Variants in LRBA observed in about 807,000 individuals in gnomAD.
LRBA encodes lipopolysaccharide-responsive and beige-like anchor protein.
In LRBA, 176 loss-of-function variants were observed where a neutral mutation model predicts 330.0. The observed-to-expected ratio is 0.53, with a 90% CI of 0.47 to 0.60. The LOEUF (loss-of-function observed/expected upper bound fraction) is 0.60, where lower values mean the gene tolerates loss of function less well. LRBA is among the 20% of genes least tolerant of loss of function. LRBA has a pLI of 0.00. For synonymous variants in LRBA, 1,230 were observed against 1,193.0 expected, an observed-to-expected ratio of 1.03 and a Z score of -0.64; for missense variants, 3,259 against 3,444.8, an observed-to-expected ratio of 0.95 and a Z score of 1.35.
Position 151,002,196 on chromosome 4 carries a change from C to CAAAA in LRBA, c.216+12227_216+12230dup, listed in dbSNP as rs143587760. On this transcript the variant is annotated intron_variant, in intron 2 of 56. Coordinates refer to ENST00000651943, the MANE Select transcript of LRBA (RefSeq NM_001364905.1). ...TAACGACAGAGGAAACATAAAACAG[C>CAAAA]AAAAAAAAAAAAAAAAAAAAAAAAA... Among the ~76,000 whole-genome samples the CAAAA allele has an allele frequency of 3.7e-3, 90 of 24,322 alleles. 1 individual carries two copies. Among genetic ancestry groups the CAAAA allele is most frequent in the African/African-American group, 7.2e-3 (44 of 6,080 alleles). The allele number at this position is 24,322 out of a possible 152,430, so 16.0% of individuals were successfully genotyped here.
chr4:150,432,635 C>T (rs981378244), intron 46 of LRBA, among the ~76,000 whole-genome samples: 3 of 151,428 alleles, frequency 2.0e-5, no homozygotes, highest in Admixed American at 2.0e-4. Context: ...TTAGTAGAGA[C>T]GGAGTTTCAC....
chr4:150,462,954 C>G (rs546655803), intron 44 of LRBA, among the ~76,000 whole-genome samples: 4 of 151,872 alleles, frequency 2.6e-5, no homozygotes, highest in South Asian at 4.1e-4. Flanking sequence ...TGTGTATAAA[C>G]AAATATTTGA....
intron 38 of LRBA, among the ~76,000 whole-genome samples, chr4:150,596,789 A>T (rs1773532957): frequency 1.3e-5 from 2 of 151,642 alleles, no homozygotes. Context: ...TTTACAGAAT[A>T]TATTAGCATA....
At chr4:150,860,498 T>A (rs1275271751) in intron 22 of LRBA, among the ~76,000 whole-genome samples, 2 of 152,032 alleles carry the variant, frequency 1.3e-5, no homozygotes, top group African/African-American at 4.8e-5. Flanking sequence ...TCAGAAAAAT[T>A]TTAAGATCTG....
Position 150,533,947 on chromosome 4 carries a change from C to T in LRBA, c.6331-42912G>A, listed in dbSNP as rs181236600. ...AACCCTACGGCCATCCCATTTGGCT[C>T]AGTCATGAAGATGCTGGATTCTATG... On this transcript the variant is annotated intron_variant, in intron 40 of 56. Transcript: ENST00000651943. Among the ~76,000 whole-genome samples the T allele has an allele frequency of 2.0e-4, 30 of 152,254 alleles. No homozygotes were observed. The East Asian group carries it at 4.6e-3, about 24-fold the overall frequency.
chr4:150,947,415 G>A lies in LRBA; in HGVS notation c.217-18350C>T, dbSNP rs531695780. ...ATTAATGTAATCCACCATATTAATA[G>A]GATAAGGTAGGACAATCACACGATC... On this transcript the variant is annotated intron_variant, in intron 2 of 56. Coordinates refer to ENST00000651943, the MANE Select transcript of LRBA (RefSeq NM_001364905.1). 3.9e-5 allele frequency among the ~76,000 whole-genome samples: 6 copies of A among 152,000 alleles called. No homozygotes were observed. The South Asian group carries it at 8.3e-4, about 21-fold the overall frequency.
chr4:150,322,998 T>TGA (rs1732741261), intron 49 of LRBA, among the ~76,000 whole-genome samples: 1 of 112,834 alleles, frequency 8.9e-6, no homozygotes, highest in South Asian at 2.4e-4. Context: ...TGTGTCTCTG[T>TGA]GTGTGTGTGT....
At chr4:150,312,910 C>T (rs1731246296) in intron 51 of LRBA, among the ~76,000 whole-genome samples, 1 of 151,908 alleles carries the variant, frequency 6.6e-6, no homozygotes, top group East Asian at 1.9e-4. Flanking sequence ...GTAAGATAGA[C>T]CTGCTGATGA....
chr4:150,437,066 T>C (rs565030518), intron 44 of LRBA, among the ~76,000 whole-genome samples: 1 of 152,254 alleles, frequency 6.6e-6, no homozygotes, highest in East Asian at 1.9e-4. Context: ...AGTAAGTGAA[T>C]GGATGAACCC....
At chr4:150,990,388 G>A (rs2149625532) in intron 2 of LRBA, among the ~76,000 whole-genome samples, 1 of 152,216 alleles carries the variant, frequency 6.6e-6, no homozygotes, top group South Asian at 2.1e-4. Context: ...GAAGTTCACT[G>A]TACAAATACA....
At chr4:150,292,007 G>A (rs1476510757) in intron 53 of LRBA, among the ~76,000 whole-genome samples, 1 of 152,174 alleles carries the variant, frequency 6.6e-6, no homozygotes, top group African/African-American at 2.4e-5. Flanking sequence ...CTCACTCATA[G>A]GTGGGAATTG....
chr4:150,415,658 G>T, intron 46 of LRBA, 68 bp from the exon 47 acceptor site: 1 of 925,238 alleles, frequency 1.1e-6, no homozygotes, highest in Non-Finnish European at 1.6e-6. Context: ...TCAAAAAAAG[G>T]ACCTGATCAT....
At chr4:150,694,985 G>T (rs1208711679) in intron 36 of LRBA, among the ~76,000 whole-genome samples, 2 of 151,862 alleles carry the variant, frequency 1.3e-5, no homozygotes, top group African/African-American at 4.8e-5. Flanking sequence ...TAATAAGAAG[G>T]CTATAGTTTC....
At chr4:150,923,310 C>A (rs1733524375) in intron 4 of LRBA, among the ~76,000 whole-genome samples, 1 of 152,092 alleles carries the variant, frequency 6.6e-6, no homozygotes, top group Non-Finnish European at 1.5e-5. Context: ...CTTCTCCCTG[C>A]ACTCCATCCT....
At chr4:150,760,937 T>C (rs889449607) in intron 35 of LRBA, among the ~76,000 whole-genome samples, 3 of 152,184 alleles carry the variant, frequency 2.0e-5, no homozygotes, top group Non-Finnish European at 1.5e-5. Context: ...TTATGAGAGA[T>C]AGAGAGCAAA....
chr4:150,518,540 CT>C (rs937340334), intron 40 of LRBA, among the ~76,000 whole-genome samples: 33 of 152,154 alleles, frequency 2.2e-4, no homozygotes, highest in African/African-American at 7.2e-4. Flanking sequence ...ACCTGCTTAC[CT>C]TTTTTTCCCT....
chr4:150,621,451 A>G lies in LRBA; in HGVS notation c.5922-22320T>C, dbSNP rs115315580. Among the ~76,000 whole-genome samples, 943 of 152,296 alleles carry G rather than the reference A, an allele frequency of 6.2e-3. 13 individuals are homozygous for G. The highest frequency in any genetic ancestry group is 0.021 in the African/African-American group (892 of 41,574). On this transcript the variant is annotated intron_variant, in intron 37 of 56. Coordinates refer to ENST00000651943, the MANE Select transcript of LRBA (RefSeq NM_001364905.1). ...TACTATAAAAGCAACACAGTGTGAA[A>G]AACAGCACTAGAGTACTAGTTAGAG...
chr4:150,618,820 T>C (rs905596425), intron 37 of LRBA, among the ~76,000 whole-genome samples: 8 of 146,876 alleles, frequency 5.4e-5, no homozygotes, highest in Admixed American at 3.5e-4. Flanking sequence ...AAACATTATG[T>C]ATACATATAT....
At chr4:150,838,348 G>A (rs1748491312) in intron 28 of LRBA, among the ~76,000 whole-genome samples, 2 of 152,082 alleles carry the variant, frequency 1.3e-5, no homozygotes, top group Non-Finnish European at 2.9e-5. Flanking sequence ...GCCTTGCTAG[G>A]TTGGGCAAGT....
Sources: allele counts gnomAD v4.1 joint callset (sites outside exome capture counted in the v4.1 genomes callset), GRCh38; gene constraint gnomAD v4.1.1; transcripts MANE v1.5; gene names NCBI Gene and HGNC (gene_info 2026-07-23, HGNC 2026-07-21).